GGA3: variants seen among roughly 807,000 people sequenced by gnomAD.
GGA3 encodes the protein ADP-ribosylation factor-binding protein GGA3.
GGA3 carries 57 observed loss-of-function variants against 77.5 expected under a neutral mutation model. The ratio of observed to expected loss-of-function variants is 0.74; its 90% CI spans 0.59 to 0.92. The LOEUF is 0.92. Among genes scored for constraint, GGA3 ranks in the 40% least tolerant of loss-of-function variants. The pLI, the probability that GGA3 is intolerant of heterozygous loss-of-function variation, is 0.00. For synonymous variants in GGA3, 416 were observed against 383.7 expected (o/e 1.08, Z -0.98); for missense variants, 970 against 914.9 (o/e 1.06, Z -0.78).
At chr17:75,256,440 T>A (rs1164799802) in intron 1 of GGA3, among the ~76,000 whole-genome samples, 3 of 151,412 alleles carry the variant, frequency 2.0e-5, no homozygotes, top group Admixed American at 6.6e-5. Flanking sequence ...ACATTATTCC[T>A]GATACCACAC....
Position 75,238,314 on chromosome 17 carries a change from G to A in GGA3, c.2137C>T (p.Gln713Ter). Reference protein sequence around the residue: ...QLSTEVGEVDQFPPVEQWGNL With the variant: ...QLSTEVGEVD ...CCCCACTGTTCCACAGGAGGGAACTGGTCCACCTCGCCCACCTCTGTGCTC... is the reference window on the plus strand; with the variant it reads ...CCCCACTGTTCCACAGGAGGGAACTAGTCCACCTCGCCCACCTCTGTGCTC... The change falls in exon 17 of 17, where the codon CAG becomes TAG. Residue 713 changes from glutamine to a stop codon, truncating the protein, a stop_gained. Transcript: ENST00000537686. LOFTEE classifies it high-confidence loss of function. 1 of 1,613,724 alleles carries A rather than the reference G, an allele frequency of 6.2e-7. No homozygotes were observed. Among genetic ancestry groups the A allele is most frequent in the Non-Finnish European group, 8.5e-7 (1 of 1,179,874 alleles).
At chr17:75,248,056 C>G (rs1260070592) in intron 1 of GGA3, among the ~76,000 whole-genome samples, 2 of 152,212 alleles carry the variant, frequency 1.3e-5, no homozygotes, top group Admixed American at 6.5e-5. Flanking sequence ...CACTCCTGCT[C>G]CCTCCCCAGA....
At chr17:75,262,022 G>T, upstream of GGA3, 1 of 1,598,476 alleles carries the variant, frequency 6.3e-7, no homozygotes, top group African/African-American at 1.3e-5. Flanking sequence ...GGCGCTGCGA[G>T]GAAGGAAGGG....
chr17:75,243,434 G>C lies in GGA3; in HGVS notation c.424+13C>G, dbSNP rs1285197018. 25 of 1,613,834 alleles carry C rather than the reference G, an allele frequency of 1.5e-5. No homozygotes were observed. Among genetic ancestry groups the C allele is most frequent in the Non-Finnish European group, 1.9e-5 (22 of 1,179,976 alleles). On this transcript the variant is annotated intron_variant, in intron 5 of 16. Transcript: ENST00000537686. ...GAGGGCTGCCTGGAGGCTGCGGGCA[G>C]GCAGACACGTACCCTGTCTCTTCAG...
At chr17:75,253,825 A>G (rs552153128) in intron 1 of GGA3, among the ~76,000 whole-genome samples, 22 of 152,048 alleles carry the variant, frequency 1.4e-4, no homozygotes, top group Non-Finnish European at 3.2e-4. Context: ...GCAACCTTCC[A>G]GCCTCCATTC....
rs189186378 is a variant in GGA3 at position 75,241,207 on chromosome 17, C to T, written c.947-150G>A. 29 of 1,035,342 alleles carry T rather than the reference C, an allele frequency of 2.8e-5. No homozygotes were observed. The East Asian group carries it at 4.8e-4, about 17-fold the overall frequency. 64.1% of individuals were successfully genotyped at this position (1,035,342 alleles called of 1,614,324 possible). On this transcript the variant is annotated intron_variant, in intron 10 of 16. Coordinates refer to ENST00000537686, the MANE Select transcript of GGA3 (RefSeq NM_138619.4). ...GCCAGGGGATGCTGCAAAGCAAGCC[C>T]GAGAAAGCAGGTGGGGAAATTCCTA...
At chr17:75,258,782 G>A (rs939111785) in intron 1 of GGA3, among the ~76,000 whole-genome samples, 1 of 151,002 alleles carries the variant, frequency 6.6e-6, no homozygotes, top group Admixed American at 6.6e-5. Context: ...CTCTGTTACT[G>A]TGTGCCCCAA....
In GGA3 at chr17:75,241,020, G is replaced by T. The variant is rs767018135; in HGVS notation, c.984C>A (p.Asp328Glu). 3.7e-6 allele frequency: 6 copies of T among 1,613,994 alleles called. No individual in the cohort carries two copies. Among genetic ancestry groups the T allele is most frequent in the South Asian group, 1.1e-5 (1 of 91,086 alleles). The change falls in exon 11 of 17, where the codon GAC (aspartate) becomes GAA (glutamate). Residue 328 changes from aspartate to glutamate, a missense_variant. Coordinates refer to ENST00000537686, the MANE Select transcript of GGA3 (RefSeq NM_138619.4). ...TGTTGGTCGTGTCCAGCTCCGCAAG[G>T]TCGATGAGCGTGCCTTGGTTACTGC... is the stretch of plus-strand genomic sequence containing the variant. ...SQCSNQGTLIDLAELDTTNSL... is the reference protein window; with the variant it reads ...SQCSNQGTLIELAELDTTNSL...
intron 1 of GGA3, 25 bp from the exon 2 acceptor site, chr17:75,246,821 C>A: frequency 6.3e-7 from 1 of 1,578,664 alleles, no homozygotes; most frequent in Non-Finnish European, 8.7e-7. Context: ...AAGAAGAGGA[C>A]AAGTGTTAGG....
chr17:75,238,769 A>G lies in GGA3; in HGVS notation c.1951-7T>C, dbSNP rs2076411663. ...GCAACTTCACTTTCATTGACTAAAG[A>G]GAGAGAAACTCCTTTGAAGAGAACT... On this transcript the variant is annotated splice_region_variant and splice_polypyrimidine_tract_variant and intron_variant, in intron 15 of 16. Coordinates refer to ENST00000537686, the MANE Select transcript of GGA3 (RefSeq NM_138619.4). 3.7e-6 allele frequency: 6 copies of G among 1,606,782 alleles called. No individual in the cohort carries two copies. In the South Asian group the frequency reaches 5.5e-5, roughly 15 times the overall value.
At chr17:75,245,065 A>C (rs549539733) in intron 3 of GGA3, among the ~76,000 whole-genome samples, 9 of 152,332 alleles carry the variant, frequency 5.9e-5, no homozygotes, top group African/African-American at 2.2e-4. Flanking sequence ...GTCCAGGGAC[A>C]AAGTTTCTCT....
In GGA3 at chr17:75,236,766, CCA is replaced by C. The variant is rs1449576955; in HGVS notation, c.*1511_*1512del. 1 of 153,970 alleles carries C rather than the reference CCA, an allele frequency of 6.5e-6. No homozygotes were observed. The highest frequency in any genetic ancestry group is 2.4e-5 in the African/African-American group (1 of 41,462). The allele number at this position is 153,970 out of a possible 1,614,324, so 9.5% of individuals were successfully genotyped here. A position where few individuals can be genotyped will look rare whatever the true frequency, so the allele number is the denominator to read the frequency against. The stretch of plus-strand genomic sequence containing the variant: ...AAAGTTCCATTTCCACATAGTAATT[CCA>C]CAGACATTCCCAGGGCTGCAGCAGC... On this transcript the variant is annotated 3_prime_UTR_variant, in exon 17 of 17. Coordinates refer to ENST00000537686, the MANE Select transcript of GGA3 (RefSeq NM_138619.4).
chr17:75,262,118 G>C, upstream of GGA3: 1 of 1,053,356 alleles, frequency 9.5e-7, no homozygotes, highest in Non-Finnish European at 1.4e-6. Flanking sequence ...AGTTAGCTGC[G>C]TGACCCTGCG....
In GGA3 at chr17:75,241,658, TA is replaced by T. The variant is rs756886263; in HGVS notation, c.785del (p.Leu262TyrfsTer48). 6.2e-7 allele frequency: 1 copy of T among 1,614,146 alleles called. No homozygotes were observed. Among genetic ancestry groups the T allele is most frequent in the Non-Finnish European group, 8.5e-7 (1 of 1,180,000 alleles). Reference protein sequence around the residue: ...FDQCENKRRTLFKLASETEDN... With the variant: ...FDQCENKRRTXFKLASETEDN... ...CCTCAGTCTCACTGGCGAGTTTAAATAAAGTCCGCCTCTTGTTCTCACACTG... is the reference window on the plus strand; with the variant it reads ...CCTCAGTCTCACTGGCGAGTTTAAATAAGTCCGCCTCTTGTTCTCACACTG... On this transcript the variant is annotated frameshift_variant, in exon 9 of 17. Transcript: ENST00000537686. LOFTEE classifies it high-confidence loss of function.
chr17:75,240,795 C>A lies in GGA3; in HGVS notation c.1192+17G>T. On this transcript the variant is annotated intron_variant, in intron 11 of 16. Transcript: ENST00000537686. ...GCCCTGTCAGGGGATGCCCCTGACG[C>A]CCCCTGTGGGCCGCACCCAAGCAGA... 3 of 1,597,142 alleles carry A rather than the reference C, an allele frequency of 1.9e-6. No homozygotes were observed. Among genetic ancestry groups the A allele is most frequent in the Non-Finnish European group, 2.6e-6 (3 of 1,173,262 alleles).
At chr17:75,261,983 G>A, upstream of GGA3, 1 of 1,566,252 alleles carries the variant, frequency 6.4e-7, no homozygotes, top group Non-Finnish European at 8.6e-7. Context: ...CAGCTTCCAG[G>A]GTGAGAGGGT....
chr17:75,244,254 G>A (rs988657500), intron 4 of GGA3: 3 of 221,458 alleles, frequency 1.4e-5, no homozygotes, highest in Admixed American at 1.0e-4. Flanking sequence ...GCTGAGCATC[G>A]GAGCAATGAC....
In GGA3 at chr17:75,247,837, G is replaced by A. The variant is rs144451180; in HGVS notation, c.41-1041C>T. On this transcript the variant is annotated intron_variant, in intron 1 of 16. Transcript: ENST00000537686. ...TTAAAATCCAGGCACCAAATGCAAA[G>A]TTCTGATATTTGGCATGGGCTCTCC... Among the ~76,000 whole-genome samples the A allele has an allele frequency of 2.1e-3, 315 of 152,216 alleles. 3 individuals are homozygous for A. The highest frequency in any genetic ancestry group is 7.2e-3 in the African/African-American group (299 of 41,542).
At chr17:75,258,826 T>G (rs2077243821) in intron 1 of GGA3, among the ~76,000 whole-genome samples, 1 of 3,652 alleles carries the variant, frequency 2.7e-4, no homozygotes, top group African/African-American at 3.5e-4. Flanking sequence ...CCATCTAGTG[T>G]TTTTTTTTTT....
Sources: gnomAD v4.1 joint callset for allele counts (sites outside exome capture counted in the v4.1 genomes callset) on GRCh38, gnomAD v4.1.1 for gene constraint, MANE v1.5 for transcripts, NCBI Gene and HGNC (gene_info 2026-07-23, HGNC 2026-07-21) for gene names.